Variants in BRSK2 observed in about 807,000 individuals in gnomAD.
BRSK2 encodes the protein serine/threonine-protein kinase BRSK2.
A neutral mutation model predicts 83.3 loss-of-function variants in BRSK2; 19 were observed. That is an observed-to-expected ratio of 0.23 (90% CI 0.16 to 0.33). The LOEUF (loss-of-function observed/expected upper bound fraction) is 0.33. BRSK2 is among the 10% of genes least tolerant of loss of function. The probability of loss-of-function intolerance (pLI) is 1.00; values close to 1 mark genes in which losing one functional copy is unlikely to be tolerated. For missense variants in BRSK2, 798 were observed against 1,042.3 expected, an observed-to-expected ratio of 0.77 and a Z score of 3.23; for synonymous variants, 519 against 435.4, an observed-to-expected ratio of 1.19 and a Z score of -2.39.
intron 1 of BRSK2, among the ~76,000 whole-genome samples, chr11:1,433,880 TC>T (rs1175847867): frequency 6.6e-6 from 1 of 151,940 alleles, no homozygotes; most frequent in Non-Finnish European, 1.5e-5. Context: ...GGCCTGCAGC[TC>T]CCCCTGCCTC....
intron 1 of BRSK2, among the ~76,000 whole-genome samples, chr11:1,392,427 C>T (rs75458016): frequency 0.035 from 5,278 of 152,316 alleles, 230 homozygotes; most frequent in East Asian, 0.18. Flanking sequence ...GCCCCTTCCC[C>T]GTGTCTGTGG....
chr11:1,404,102 C>T (rs1213591248), intron 1 of BRSK2, among the ~76,000 whole-genome samples: 1 of 152,218 alleles, frequency 6.6e-6, no homozygotes, highest in Admixed American at 6.5e-5. Flanking sequence ...AGAGCCAGCA[C>T]CCTCTCCACT....
At chr11:1,447,773 G>A (rs1010597889) in intron 12 of BRSK2, 3 of 1,592,084 alleles carry the variant, frequency 1.9e-6, no homozygotes, top group African/African-American at 2.7e-5. Flanking sequence ...CAGTAACTGT[G>A]TTTTCTCGCT....
chr11:1,417,554 C>A (rs1848221555), intron 1 of BRSK2, among the ~76,000 whole-genome samples: 1 of 149,262 alleles, frequency 6.7e-6, no homozygotes, highest in Admixed American at 6.6e-5. Flanking sequence ...TGGGCTGTTT[C>A]TTCTCTTGAG....
At position 1,456,429 on chromosome 11, in the gene BRSK2, C is replaced by A; in HGVS notation, c.1750C>A (p.Gln584Lys). ...GGCCACGGGGGGGCCAGCCGTGTTC[C>A]AGAAGCCGGTCAAGTTCCAGGTTGA... Reference protein sequence around the residue: ...YKATGGPAVFQKPVKFQVDIT... With the variant: ...YKATGGPAVFKKPVKFQVDIT... The change falls in exon 17 of 20, where the codon CAG becomes AAG. Residue 584 changes from glutamine (Q) to lysine (K), a missense_variant. Transcript: ENST00000528841. 1 of 1,595,612 alleles carries A rather than the reference C, an allele frequency of 6.3e-7. No individual in the cohort carries two copies. Among genetic ancestry groups the A allele is most frequent in the South Asian group, 1.1e-5 (1 of 88,254 alleles).
intron 1 of BRSK2, among the ~76,000 whole-genome samples, chr11:1,407,452 C>G (rs1240236151): frequency 6.6e-6 from 1 of 152,138 alleles, no homozygotes; most frequent in Admixed American, 6.5e-5. Flanking sequence ...CCTGCACGGG[C>G]CTCCCCTCCG....
chr11:1,405,323 ATG>A (rs1474286427), intron 1 of BRSK2, among the ~76,000 whole-genome samples: 1 of 151,950 alleles, frequency 6.6e-6, no homozygotes, highest in Non-Finnish European at 1.5e-5. Context: ...GCGTCTGTGT[ATG>A]TGTGTGTGGT....
intron 1 of BRSK2, among the ~76,000 whole-genome samples, chr11:1,419,146 GGC>G (rs1564816393): frequency 9.9e-5 from 14 of 141,516 alleles, no homozygotes; most frequent in South Asian, 4.4e-4. Context: ...GGGCACTGGT[GGC>G]GGGGGGGGCC....
chr11:1,416,189 C>T (rs991561111), intron 1 of BRSK2, among the ~76,000 whole-genome samples: 1 of 152,184 alleles, frequency 6.6e-6, no homozygotes, highest in African/African-American at 2.4e-5. Flanking sequence ...GATAGAAACA[C>T]ACAAACCACA....
chr11:1,416,616 T>A (rs975162827), intron 1 of BRSK2, among the ~76,000 whole-genome samples: 1 of 152,188 alleles, frequency 6.6e-6, no homozygotes, highest in Non-Finnish European at 1.5e-5. Context: ...TTCCTTTGAG[T>A]GCTTAGCAGG....
At chr11:1,435,083 G>T (rs1228854507) in intron 1 of BRSK2, among the ~76,000 whole-genome samples, 1 of 151,564 alleles carries the variant, frequency 6.6e-6, no homozygotes, top group Admixed American at 6.6e-5. Context: ...AGGTGGGTCT[G>T]GGAAGGAAGG....
intron 1 of BRSK2, among the ~76,000 whole-genome samples, chr11:1,421,263 A>C (rs1231351141): frequency 6.6e-6 from 1 of 152,118 alleles, no homozygotes; most frequent in African/African-American, 2.4e-5. Flanking sequence ...CTGGGGTCAC[A>C]CCCAGGAGGG....
intron 5 of BRSK2, 91 bp from the exon 6 acceptor site, chr11:1,443,015 C>T: frequency 7.1e-7 from 1 of 1,414,838 alleles, no homozygotes; most frequent in Non-Finnish European, 9.4e-7. Flanking sequence ...CCCTGGAGGC[C>T]TCCTTGAGGG....
rs780467350 is a variant in BRSK2, at chr11:1,454,578, C to T, written c.1638C>T (p.Ile546=). The T allele has an allele frequency of 6.8e-6, 11 of 1,613,214 alleles. No homozygotes were observed. In the South Asian group the frequency reaches 1.1e-4, roughly 16 times the overall value. ...VVIKDKPLSS[I]KADIVHAFLS... The stretch of plus-strand genomic sequence containing the variant: ...TCAAAGACAAACCTCTGAGCTCCAT[C>T]AAGGCTGACATCGTGCACGCCTTCC... The change falls in exon 16 of 20, where the codon ATC becomes ATT. Residue 546 remains isoleucine, a synonymous_variant. Transcript: ENST00000528841. The surrounding 1 kb of genome is among the most constrained non-coding windows in gnomAD (Gnocchi z 5.2).
intron 12 of BRSK2, chr11:1,447,772 T>C: frequency 6.3e-7 from 1 of 1,591,610 alleles, no homozygotes; most frequent in South Asian, 1.1e-5. Flanking sequence ...TCAGTAACTG[T>C]GTTTTCTCGC....
At chr11:1,392,630 G>A (rs1845796933) in intron 1 of BRSK2, among the ~76,000 whole-genome samples, 1 of 152,138 alleles carries the variant, frequency 6.6e-6, no homozygotes, top group Admixed American at 6.5e-5. Flanking sequence ...CCAAAGATGT[G>A]GTCCGAAACC....
At chr11:1,456,865 G>A (rs1193628636) in intron 18 of BRSK2, 178 bp downstream of exon 18, 9 of 1,459,838 alleles carry the variant, frequency 6.2e-6, no homozygotes, top group Non-Finnish European at 6.5e-6. Context: ...GCCCCTCCCT[G>A]GCCTGGCGGG....
At chr11:1,442,979 G>C (rs1458462882) in intron 5 of BRSK2, 127 bp from the exon 6 acceptor site, 8 of 1,109,418 alleles carry the variant, frequency 7.2e-6, no homozygotes, top group Non-Finnish European at 8.8e-6. Flanking sequence ...GGGATGCAGG[G>C]AATGTGGGGG....
chr11:1,426,654 T>C (rs1051934688), intron 1 of BRSK2, among the ~76,000 whole-genome samples: 1 of 152,094 alleles, frequency 6.6e-6, no homozygotes, highest in East Asian at 1.9e-4. Context: ...CCCGTGTCTT[T>C]TCTGTGTGAC....
Sources: gnomAD v4.1 joint callset for allele counts (sites outside exome capture counted in the v4.1 genomes callset) on GRCh38, gnomAD v4.1.1 for gene constraint, Gnocchi (gnomAD v3.1) non-coding constraint, MANE v1.5 for transcripts, NCBI Gene and HGNC (gene_info 2026-07-23, HGNC 2026-07-21) for gene names.